DENND5B: variants seen among roughly 807,000 people sequenced by gnomAD.
The protein encoded by DENND5B is DENN domain-containing protein 5B.
In DENND5B, 34 loss-of-function variants were observed where a neutral mutation model predicts 140.6. The observed-to-expected ratio is 0.24, with a 90% CI of 0.18 to 0.32. The LOEUF (loss-of-function observed/expected upper bound fraction) is 0.32. DENND5B is among the 10% of genes least tolerant of loss of function. The pLI is 1.00. For missense variants in DENND5B, 1,142 were observed against 1,560.2 expected (o/e 0.73, Z 4.52); for synonymous variants, 551 against 562.1 (o/e 0.98, Z 0.28).
intron 4 of DENND5B, among the ~76,000 whole-genome samples, chr12:31,453,723 G>A (rs549786341): frequency 3.0e-4 from 46 of 152,230 alleles, no homozygotes; most frequent in African/African-American, 1.1e-3. Flanking sequence ...GATCCTAGAC[G>A]GCAAAGTAAG....
intron 7 of DENND5B, among the ~76,000 whole-genome samples, chr12:31,435,643 G>T (rs1334236758): frequency 8.1e-6 from 1 of 123,060 alleles, no homozygotes; most frequent in Admixed American, 9.8e-5. Flanking sequence ...CCTTGAAAAC[G>T]CTTTTTAAAT....
chr12:31,480,903 T>TCCCAA, intron 2 of DENND5B, among the ~76,000 whole-genome samples: 1 of 152,174 alleles, frequency 6.6e-6, no homozygotes, highest in Non-Finnish European at 1.5e-5. Flanking sequence ...CTAGTAGAGA[T>TCCCAA]TATGCTCTAG....
intron 9 of DENND5B, among the ~76,000 whole-genome samples, chr12:31,424,920 A>G (rs1350880374): frequency 6.6e-6 from 1 of 152,198 alleles, no homozygotes; most frequent in East Asian, 1.9e-4. Context: ...ATATAAGATA[A>G]TATTTGTAAG....
chr12:31,448,224 T>G (rs1944355838), intron 5 of DENND5B, among the ~76,000 whole-genome samples: 1 of 151,268 alleles, frequency 6.6e-6, no homozygotes, highest in Non-Finnish European at 1.5e-5. Flanking sequence ...AGCTCCCGCC[T>G]CCCGGGTTCA....
chr12:31,399,883 C>G (rs1230125622), intron 15 of DENND5B, 111 bp from the exon 16 acceptor site: 1 of 710,414 alleles, frequency 1.4e-6, no homozygotes, highest in Admixed American at 2.6e-5. Flanking sequence ...ACAAACCCTG[C>G]ATAATGTATT....
intron 8 of DENND5B, chr12:31,426,648 C>T (rs1022394663): frequency 7.1e-6 from 3 of 421,434 alleles, no homozygotes; most frequent in Non-Finnish European, 1.3e-5. Context: ...ACAGAAACCC[C>T]ATCACGTTAA....
chr12:31,561,132 A>G (rs1949460481), intron 1 of DENND5B, among the ~76,000 whole-genome samples: 1 of 152,226 alleles, frequency 6.6e-6, no homozygotes, highest in South Asian at 2.1e-4. Context: ...AGAGGAGATC[A>G]GTTACCAAAA....
intron 1 of DENND5B, among the ~76,000 whole-genome samples, chr12:31,589,064 A>ATAG (rs766668630): frequency 1.3e-5 from 2 of 152,192 alleles, no homozygotes; most frequent in African/African-American, 4.8e-5. Context: ...TCACACCTAA[A>ATAG]AGGTACAGTT....
At chr12:31,407,376 G>T (rs564920644) in intron 14 of DENND5B, among the ~76,000 whole-genome samples, 1 of 152,274 alleles carries the variant, frequency 6.6e-6, no homozygotes, top group East Asian at 1.9e-4. Context: ...TGATCCAACT[G>T]CCTTGGCCTC....
rs565039447 is a variant in DENND5B at position 31,590,989 on chromosome 12, C to T, written c.-157G>A. 1.1e-5 allele frequency: 9 copies of T among 850,264 alleles called. No homozygotes were observed. The highest frequency in any genetic ancestry group is 9.2e-5 in the African/African-American group (5 of 54,484). The allele number at this position is 850,264 out of a possible 1,614,324, so 52.7% of individuals were successfully genotyped here. A position where few individuals can be genotyped will look rare whatever the true frequency, so the allele number is the denominator to read the frequency against. On this transcript the variant is annotated 5_prime_UTR_variant, in exon 1 of 21. Transcript: ENST00000389082. ...GCCGCCTCTCGCCGCCGCAGCCTGC[C>T]TCCTCGCTCGGCGCGGGGGAAGCGG...
At chr12:31,542,211 C>G (rs927481711) in intron 1 of DENND5B, among the ~76,000 whole-genome samples, 2 of 151,410 alleles carry the variant, frequency 1.3e-5, no homozygotes, top group East Asian at 3.9e-4. Flanking sequence ...TCACTTGAAC[C>G]TGGGAGGTGG....
At chr12:31,460,964 AAT>A (rs1944989577) in intron 3 of DENND5B, among the ~76,000 whole-genome samples, 1 of 152,096 alleles carries the variant, frequency 6.6e-6, no homozygotes, top group South Asian at 2.1e-4. Context: ...GACCTCAAGC[AAT>A]CCGCCTACCT....
intron 1 of DENND5B, among the ~76,000 whole-genome samples, chr12:31,533,257 AAAAC>A (rs1229344417): frequency 6.6e-6 from 1 of 152,208 alleles, no homozygotes; most frequent in Non-Finnish European, 1.5e-5. Flanking sequence ...TGAAGAAAAA[AAAAC>A]AATTTAAAAA....
intron 15 of DENND5B, among the ~76,000 whole-genome samples, chr12:31,402,169 G>T (rs947280211): frequency 2.0e-5 from 3 of 151,940 alleles, no homozygotes; most frequent in African/African-American, 7.3e-5. Flanking sequence ...TTACAGTAGG[G>T]AGGAGAACCA....
intron 1 of DENND5B, among the ~76,000 whole-genome samples, chr12:31,578,112 G>C (rs1009184173): frequency 1.7e-5 from 2 of 115,034 alleles, no homozygotes; most frequent in African/African-American, 6.9e-5. Flanking sequence ...GGGGGACAAA[G>C]TGGGACGCTG....
intron 4 of DENND5B, among the ~76,000 whole-genome samples, chr12:31,453,613 A>T (rs1208094280): frequency 1.3e-5 from 2 of 152,146 alleles, no homozygotes; most frequent in Non-Finnish European, 2.9e-5. Context: ...AACATAAGAC[A>T]TGGGGTGGAA....
chr12:31,546,761 C>A (rs1023523847), intron 1 of DENND5B, among the ~76,000 whole-genome samples: 1 of 151,972 alleles, frequency 6.6e-6, no homozygotes, highest in Non-Finnish European at 1.5e-5. Context: ...TCTAAAAGAC[C>A]CAGGGAGGAG....
chr12:31,443,671 C>T (rs1593179099), intron 6 of DENND5B: 1 of 152,096 alleles, frequency 6.6e-6, no homozygotes, highest in East Asian at 1.9e-4. Context: ...GCACAATGGC[C>T]TTATTAACTT....
chr12:31,479,891 A>G lies in DENND5B; in HGVS notation c.602T>C (p.Met201Thr), dbSNP rs1382667490. The G allele has an allele frequency of 1.2e-6, 2 of 1,614,006 alleles. No individual in the cohort carries two copies. Among genetic ancestry groups the G allele is most frequent in the South Asian group, 1.1e-5 (1 of 91,076 alleles). ...GATAAGGAATTTCTTGCAGGCCTGC[A>G]TGAATGGTAACGGTGTGATCAAGCA... ...SICLITPLPF[M>T]QACKKFLIQL... The change falls in exon 3 of 21, where the codon ATG (methionine) becomes ACG (threonine). Residue 201 changes from methionine to threonine, a missense_variant. Transcript: ENST00000389082.
Sources: allele counts gnomAD v4.1 joint callset (sites outside exome capture counted in the v4.1 genomes callset), GRCh38; gene constraint gnomAD v4.1.1; transcripts MANE v1.5; gene names NCBI Gene and HGNC (gene_info 2026-07-23, HGNC 2026-07-21).